Variants in MTMR14 observed in about 807,000 individuals in gnomAD.
MTMR14 encodes phosphatidylinositol-3,5-bisphosphate 3-phosphatase MTMR14.
In MTMR14, 48 loss-of-function variants were observed where a neutral mutation model predicts 86.3. The observed-to-expected ratio is 0.56, with a 90% confidence interval of 0.44 to 0.71. MTMR14 has a LOEUF of 0.71. Ranked by LOEUF, MTMR14 falls within the 30% of genes least tolerant of loss-of-function variation. The probability of loss-of-function intolerance (pLI) is 0.00; values close to 1 mark genes in which losing one functional copy is unlikely to be tolerated. For missense variants in MTMR14, 780 were observed against 834.6 expected (o/e 0.93, Z 0.81); for synonymous variants, 366 against 326.1 (o/e 1.12, Z -1.32).
intron 10 of MTMR14, 58 bp downstream of exon 10, chr3:9,683,302 C>G: frequency 1.3e-6 from 2 of 1,487,862 alleles, no homozygotes; most frequent in Non-Finnish European, 9.4e-7. Context: ...GTTCCCAGTT[C>G]ATTCTGCCTC....
In MTMR14 at chr3:9,649,651, C is replaced by T. The variant is rs745462669; in HGVS notation, c.68C>T (p.Pro23Leu). Reference sequence around the variant, plus strand: ...TCCTCGGCCTCTTCAGGCAACCAGCCGCCTCAGGAGCTGGGGCTTGGGGAG... The same window carrying T: ...TCCTCGGCCTCTTCAGGCAACCAGCTGCCTCAGGAGCTGGGGCTTGGGGAG... ...AGSSASSGNQPPQELGLGELL... is the reference protein window; with the variant it reads ...AGSSASSGNQLPQELGLGELL... Residue 23 changes from proline (P) to leucine (L), a missense_variant, in exon 1 of 19, where the codon CCG becomes CTG. Coordinates refer to ENST00000296003, the MANE Select transcript of MTMR14 (RefSeq NM_001077525.3). 3.8e-6 allele frequency: 6 copies of T among 1,586,122 alleles called. No individual in the cohort carries two copies. Among genetic ancestry groups the T allele is most frequent in the South Asian group, 1.1e-5 (1 of 87,436 alleles).
chr3:9,653,474 G>T (rs1199947783), intron 1 of MTMR14, 147 bp from the exon 2 acceptor site: 2 of 949,142 alleles, frequency 2.1e-6, no homozygotes, highest in Non-Finnish European at 3.3e-6. Flanking sequence ...CGTAGGACCT[G>T]TGGCCTAGCA....
At chr3:9,696,965 G>A (rs915378432) in intron 17 of MTMR14, among the ~76,000 whole-genome samples, 5 of 152,176 alleles carry the variant, frequency 3.3e-5, no homozygotes, top group Non-Finnish European at 4.4e-5. Context: ...GGGGTTGGCT[G>A]TGAGTGGGGA....
intron 7 of MTMR14, among the ~76,000 whole-genome samples, chr3:9,676,700 C>T (rs2075591734): frequency 1.3e-5 from 2 of 152,254 alleles, no homozygotes; most frequent in African/African-American, 4.8e-5. Context: ...GTGTTTCTCT[C>T]TGTTCCTGAG....
At chr3:9,656,109 C>G (rs1256390139) in intron 2 of MTMR14, among the ~76,000 whole-genome samples, 1 of 152,000 alleles carries the variant, frequency 6.6e-6, no homozygotes, top group Non-Finnish European at 1.5e-5. Flanking sequence ...GCAGGAGAAT[C>G]ACTTGAACCC....
chr3:9,696,862 G>A (rs1444039928), intron 17 of MTMR14, among the ~76,000 whole-genome samples: 1 of 152,202 alleles, frequency 6.6e-6, no homozygotes, highest in Non-Finnish European at 1.5e-5. Context: ...TGGGGACTGG[G>A]ACCTGGGGTA....
At chr3:9,655,324 A>G (rs987554550) in intron 2 of MTMR14, among the ~76,000 whole-genome samples, 1 of 150,946 alleles carries the variant, frequency 6.6e-6, no homozygotes, top group Non-Finnish European at 1.5e-5. Context: ...CCGAGATTGC[A>G]CCACTGCACT....
intron 17 of MTMR14, among the ~76,000 whole-genome samples, chr3:9,694,015 C>A (rs1045445756): frequency 6.6e-6 from 1 of 152,186 alleles, no homozygotes; most frequent in African/African-American, 2.4e-5. Flanking sequence ...AAATGGCTGA[C>A]AGCACCTCCC....
At chr3:9,688,606 C>T in intron 14 of MTMR14, 90 bp from the exon 15 acceptor site, 2 of 1,498,322 alleles carry the variant, frequency 1.3e-6, no homozygotes, top group Admixed American at 3.4e-5. Flanking sequence ...GTGAATTGAG[C>T]TGCTTTCCAG....
intron 2 of MTMR14, 27 bp downstream of exon 2, chr3:9,653,796 A>G (rs759086711): frequency 1.7e-5 from 27 of 1,613,924 alleles, no homozygotes; most frequent in Non-Finnish European, 2.2e-5. Flanking sequence ...CGTAGTGTAC[A>G]TGTCTGGGGA....
At position 9,701,581 on chromosome 3, in the gene MTMR14, T is replaced by C. The variant is rs967010440; in HGVS notation, c.1770-209T>C. ...AAGCTCCTGCTCTAGGTGGGAACAG[T>C]AGCCTGAGGGCTTAGAGGAATGGTT... On this transcript the variant is annotated intron_variant, in intron 18 of 18. Coordinates refer to ENST00000296003, the MANE Select transcript of MTMR14 (RefSeq NM_001077525.3). The surrounding 1 kb of genome is among the most constrained non-coding windows in gnomAD (Gnocchi z 4.2). The C allele has an allele frequency of 2.5e-5, 16 of 634,482 alleles. No homozygotes were observed. Among genetic ancestry groups the C allele is most frequent in the Middle Eastern group, 8.3e-4 (2 of 2,406 alleles). The allele number at this position is 634,482 out of a possible 1,614,324, so 39.3% of individuals were successfully genotyped here. A position where few individuals can be genotyped will look rare whatever the true frequency, so the allele number is the denominator to read the frequency against.
chr3:9,660,067 A>G (rs925035586), intron 2 of MTMR14, among the ~76,000 whole-genome samples: 1 of 152,174 alleles, frequency 6.6e-6, no homozygotes, highest in Non-Finnish European at 1.5e-5. Flanking sequence ...AAGTGGGAGG[A>G]AGGCCACTGT....
chr3:9,687,274 G>C (rs1000295173), intron 13 of MTMR14, among the ~76,000 whole-genome samples: 1 of 152,150 alleles, frequency 6.6e-6, no homozygotes, highest in African/African-American at 2.4e-5. Context: ...TCACTGGCCT[G>C]GCTGGGCACG....
intron 1 of MTMR14, among the ~76,000 whole-genome samples, chr3:9,652,018 G>T (rs536970001): frequency 6.6e-6 from 1 of 152,138 alleles, no homozygotes; most frequent in South Asian, 2.1e-4. Context: ...TTTTAATAGA[G>T]ATGGGGTTTC....
In MTMR14 at chr3:9,678,037, C is replaced by T. The variant is rs766450229; in HGVS notation, c.876C>T (p.Asn292=). 3.1e-6 allele frequency: 5 copies of T among 1,614,122 alleles called. No individual in the cohort carries two copies. In the South Asian group the frequency reaches 4.4e-5, roughly 14 times the overall value. The change falls in exon 9 of 19, where the codon AAC becomes AAT. Residue 292 remains asparagine (N), a synonymous_variant. Transcript: ENST00000296003. The part of the protein sequence containing the change: ...SIPDFLTHSL[N]IDWSQYQCWD... Reference sequence around the variant, plus strand: ...CCGACTTCCTGACTCACTCTCTGAACATTGACTGGAGCCAGTATCAGGTGA... The same window carrying T: ...CCGACTTCCTGACTCACTCTCTGAATATTGACTGGAGCCAGTATCAGGTGA...
intron 7 of MTMR14, among the ~76,000 whole-genome samples, chr3:9,673,529 T>G (rs80298093): frequency 6.6e-6 from 1 of 152,322 alleles, no homozygotes; most frequent in African/African-American, 2.4e-5. Context: ...GAGTAAATAC[T>G]CTTTCTCCTT....
intron 4 of MTMR14, 24 bp from the exon 5 acceptor site, chr3:9,669,408 C>T: frequency 1.2e-6 from 2 of 1,613,276 alleles, no homozygotes; most frequent in Non-Finnish European, 1.7e-6. Flanking sequence ...AGCCTCAGTA[C>T]TGACAGATAG....
intron 11 of MTMR14, 48 bp from the exon 12 acceptor site, chr3:9,684,840 C>CT (rs747974585): frequency 1.9e-5 from 31 of 1,602,172 alleles, no homozygotes; most frequent in Middle Eastern, 3.3e-4. Context: ...GGTTCAGCTC[C>CT]TGGGGATGAG....
Position 9,686,555 on chromosome 3 carries a change from A to T in MTMR14, c.1165-1266A>T, listed in dbSNP as rs2125293265. Among the ~76,000 whole-genome samples the T allele has an allele frequency of 1.3e-5, 2 of 152,336 alleles. 1 individual carries two copies. Among genetic ancestry groups the T allele is most frequent in the South Asian group, 4.1e-4 (2 of 4,828 alleles). Reference sequence around the variant, plus strand: ...ACCCCAGGCCTATTAGTTAAACACGATTGTGTCGTCTCCCCACCTCACCTT... The same window carrying T: ...ACCCCAGGCCTATTAGTTAAACACGTTTGTGTCGTCTCCCCACCTCACCTT... On this transcript the variant is annotated intron_variant, in intron 13 of 18. Coordinates refer to ENST00000296003, the MANE Select transcript of MTMR14 (RefSeq NM_001077525.3).
Sources: gnomAD v4.1 joint callset for allele counts (sites outside exome capture counted in the v4.1 genomes callset) on GRCh38, gnomAD v4.1.1 for gene constraint, Gnocchi (gnomAD v3.1) non-coding constraint, MANE v1.5 for transcripts, NCBI Gene and HGNC (gene_info 2026-07-23, HGNC 2026-07-21) for gene names.